NELL1: variants seen among roughly 807,000 people sequenced by gnomAD.
The protein encoded by NELL1 is protein kinase C-binding protein NELL1.
A neutral mutation model predicts 107.4 loss-of-function variants in NELL1; 76 were observed. The ratio of observed to expected loss-of-function variants is 0.71; its 90% CI spans 0.59 to 0.86. The LOEUF (loss-of-function observed/expected upper bound fraction) is 0.86, where lower values mean the gene tolerates loss of function less well. Among genes scored for constraint, NELL1 ranks in the 40% least tolerant of loss-of-function variants. The pLI, the probability that NELL1 is intolerant of heterozygous loss-of-function variation, is 0.00. For missense variants in NELL1, 1,024 were observed against 1,005.5 expected (o/e 1.02, Z -0.25); for synonymous variants, 353 against 341.2 (o/e 1.03, Z -0.38).
At chr11:21,075,737 A>T (rs974269097) in intron 12 of NELL1, among the ~76,000 whole-genome samples, 11 of 152,196 alleles carry the variant, frequency 7.2e-5, no homozygotes, top group African/African-American at 2.4e-4. Context: ...CTGGCCTAAG[A>T]TCAGTCTTTG....
intron 13 of NELL1, among the ~76,000 whole-genome samples, chr11:21,147,630 C>A (rs191116232): frequency 6.6e-6 from 1 of 151,726 alleles, no homozygotes; most frequent in Non-Finnish European, 1.5e-5. Flanking sequence ...GTCAGGAGTT[C>A]GAGACCAGCC....
chr11:21,223,358 A>G (rs771308801), intron 13 of NELL1, among the ~76,000 whole-genome samples: 1 of 151,634 alleles, frequency 6.6e-6, no homozygotes, highest in African/African-American at 2.4e-5. Context: ...CTTAATATCT[A>G]TTTCTTCTGA....
intron 9 of NELL1, among the ~76,000 whole-genome samples, chr11:20,933,268 C>A (rs1475034024): frequency 6.6e-6 from 1 of 152,184 alleles, no homozygotes. Flanking sequence ...GCCAAAGGAG[C>A]TGGCACATTA....
At chr11:20,812,736 C>T (rs1401244645) in intron 3 of NELL1, among the ~76,000 whole-genome samples, 17 of 151,920 alleles carry the variant, frequency 1.1e-4, no homozygotes, top group Admixed American at 8.5e-4. Flanking sequence ...GGGCCGGGCG[C>T]GGTGGCTCAC....
At chr11:20,765,648 G>A (rs776046925) in intron 2 of NELL1, among the ~76,000 whole-genome samples, 1 of 152,140 alleles carries the variant, frequency 6.6e-6, no homozygotes, top group Non-Finnish European at 1.5e-5. Flanking sequence ...GCAGGAAGGA[G>A]CTTGTGTATT....
At chr11:20,686,453 T>C (rs1410154779) in intron 2 of NELL1, among the ~76,000 whole-genome samples, 1 of 152,132 alleles carries the variant, frequency 6.6e-6, no homozygotes, top group Non-Finnish European at 1.5e-5. Flanking sequence ...AGAATTTAAT[T>C]GAGCAAAGAA....
intron 8 of NELL1, 54 bp downstream of exon 8, chr11:20,927,496 GATA>G: frequency 1.3e-6 from 2 of 1,525,120 alleles, no homozygotes; most frequent in Non-Finnish European, 1.8e-6. Context: ...GGAGAGGTTT[GATA>G]ATTAGAGTGT....
chr11:21,013,277 G>A (rs1852488860), intron 12 of NELL1, among the ~76,000 whole-genome samples: 1 of 152,110 alleles, frequency 6.6e-6, no homozygotes, highest in Non-Finnish European at 1.5e-5. Context: ...CACCCGCTGG[G>A]ACCTGCTGGC....
chr11:21,138,940 A>G (rs373292851), intron 13 of NELL1, among the ~76,000 whole-genome samples: 1 of 152,276 alleles, frequency 6.6e-6, no homozygotes, highest in East Asian at 1.9e-4. Flanking sequence ...ATCTGACTCT[A>G]TTTTAGTTAA....
At chr11:21,191,325 A>G (rs1857044550) in intron 13 of NELL1, among the ~76,000 whole-genome samples, 2 of 151,930 alleles carry the variant, frequency 1.3e-5, no homozygotes, top group South Asian at 2.1e-4. Flanking sequence ...ACGTGGCTCA[A>G]TGTTGCTGGC....
intron 5 of NELL1, among the ~76,000 whole-genome samples, chr11:20,916,768 A>G (rs919007213): frequency 9.2e-5 from 14 of 152,042 alleles, no homozygotes; most frequent in African/African-American, 3.4e-4. Context: ...TTTGAAAAGT[A>G]ATGAAAGCAT....
intron 13 of NELL1, among the ~76,000 whole-genome samples, chr11:21,162,089 T>C (rs920367408): frequency 6.6e-6 from 1 of 151,298 alleles, no homozygotes; most frequent in Non-Finnish European, 1.5e-5. Flanking sequence ...TAGCTAGAAC[T>C]ATAGGCATGA....
chr11:21,415,613 G>C lies in NELL1; in HGVS notation c.1645+44665G>C, dbSNP rs372024873. Among the ~76,000 whole-genome samples the C allele has an allele frequency of 1.2e-3, 179 of 152,050 alleles. 3 individuals are homozygous for C. The South Asian group carries it at 0.036, about 31-fold the overall frequency. ...TTTCTATTTTTACAGGAATTGTCCT[G>C]GATAGTAACTGTCACTGTGGCGTCT... On this transcript the variant is annotated intron_variant, in intron 15 of 19. Transcript: ENST00000357134.
rs1259330172 is a variant in NELL1 at position 21,560,327 on chromosome 11, A to G, written c.1925A>G (p.His642Arg). The G allele has an allele frequency of 6.2e-7, 1 of 1,612,534 alleles. No homozygotes were observed. Among genetic ancestry groups the G allele is most frequent in the South Asian group, 1.1e-5 (1 of 90,888 alleles). ...TGTCCTCATGAAGGGGGGCTGAAGC[A>G]CAATGGCCAGGTGTGGACCTTGAAA... ...GDCPHEGGLKHNGQVWTLKED... is the reference protein window; with the variant it reads ...GDCPHEGGLKRNGQVWTLKED... Residue 642 changes from histidine to arginine, a missense_variant, in exon 17 of 20, where the codon CAC becomes CGC. By Grantham distance (29) the His-to-Arg change is conservative. Coordinates refer to ENST00000357134, the MANE Select transcript of NELL1 (RefSeq NM_006157.5).
chr11:21,388,453 AG>A (rs1195248308), intron 15 of NELL1, among the ~76,000 whole-genome samples: 1 of 151,916 alleles, frequency 6.6e-6, no homozygotes, highest in Non-Finnish European at 1.5e-5. Flanking sequence ...TTTGAGAACA[AG>A]AACAATTTTA....
intron 13 of NELL1, among the ~76,000 whole-genome samples, chr11:21,120,180 A>G (rs964993491): frequency 6.6e-6 from 1 of 152,122 alleles, no homozygotes; most frequent in African/African-American, 2.4e-5. Flanking sequence ...CTATTAATTT[A>G]ATGGTTTGAA....
At chr11:20,683,784 T>G (rs1467394889) in intron 2 of NELL1, among the ~76,000 whole-genome samples, 1 of 152,122 alleles carries the variant, frequency 6.6e-6, no homozygotes, top group Non-Finnish European at 1.5e-5. Flanking sequence ...CCCCATTCTT[T>G]AAAGATGTCT....
Position 21,046,575 on chromosome 11 carries a change from C to A in NELL1, c.1301-67014C>A, listed in dbSNP as rs189983476. ...TCTTATCAATACTCAGTGATTAAAA[C>A]AGTAATACTTAGGAGCAATTGTGTC... On this transcript the variant is annotated intron_variant, in intron 12 of 19. Transcript: ENST00000357134. Among the ~76,000 whole-genome samples the A allele has an allele frequency of 3.5e-4, 53 of 152,300 alleles. No homozygotes were observed. In the East Asian group the frequency reaches 0.01, roughly 29 times the overall value.
intron 14 of NELL1, among the ~76,000 whole-genome samples, chr11:21,347,236 A>T (rs1850702037): frequency 6.6e-6 from 1 of 152,134 alleles, no homozygotes; most frequent in African/African-American, 2.4e-5. Context: ...CTTGGAGGTG[A>T]GTGTTCTAGT....
Sources: allele counts gnomAD v4.1 joint callset (sites outside exome capture counted in the v4.1 genomes callset), GRCh38; gene constraint gnomAD v4.1.1; transcripts MANE v1.5; gene names NCBI Gene and HGNC (gene_info 2026-07-23, HGNC 2026-07-21).